The following RALYL variants were observed in gnomAD, a reference collection of about 807,000 sequenced individuals.
RALYL encodes the protein RALY RNA binding protein like.
RALYL carries 29 observed loss-of-function variants against 35.1 expected under a neutral mutation model. The ratio of observed to expected loss-of-function variants is 0.83; its 90% CI spans 0.61 to 1.13. The LOEUF (loss-of-function observed/expected upper bound fraction) is 1.13. RALYL is among the 50% of genes most tolerant of loss of function. The pLI, the probability that RALYL is intolerant of heterozygous loss-of-function variation, is 0.00. For missense variants in RALYL, 359 were observed against 360.4 expected (o/e 1.00, Z 0.03); for synonymous variants, 120 against 127.6 (o/e 0.94, Z 0.40).
At chr8:84,656,819 T>C (rs1462024171) in intron 2 of RALYL, among the ~76,000 whole-genome samples, 1 of 152,096 alleles carries the variant, frequency 6.6e-6, no homozygotes, top group East Asian at 1.9e-4. Flanking sequence ...AGAAGCCATA[T>C]GAGATAAAAC....
chr8:84,189,943 G>A (rs1225110397), intron 1 of RALYL, among the ~76,000 whole-genome samples: 2 of 152,124 alleles, frequency 1.3e-5, no homozygotes, highest in African/African-American at 4.8e-5. Context: ...TCTTCAAGAC[G>A]GGTTTTCTGA....
At chr8:84,364,479 G>T (rs1853779463) in intron 1 of RALYL, among the ~76,000 whole-genome samples, 1 of 152,038 alleles carries the variant, frequency 6.6e-6, no homozygotes. Flanking sequence ...TTGGAAGAAA[G>T]AAAAGAGGTA....
rs1832286756 is a variant in RALYL at position 84,837,632 on chromosome 8, A to T, written c.366-12348A>T. ...GTTTAAATGAAATTTCAGGAAAGTT[A>T]CTTGGTCCTCATTTAATCTTCAGTA... On this transcript the variant is annotated intron_variant, in intron 4 of 8. Coordinates refer to ENST00000521268, the MANE Select transcript of RALYL (RefSeq NM_173848.7). 2.0e-5 allele frequency among the ~76,000 whole-genome samples: 3 copies of T among 152,214 alleles called. No individual in the cohort carries two copies. The South Asian group carries it at 6.2e-4, about 32-fold the overall frequency.
intron 8 of RALYL, among the ~76,000 whole-genome samples, chr8:84,901,416 G>T (rs1036571836): frequency 2.6e-5 from 4 of 152,092 alleles, no homozygotes; most frequent in Admixed American, 6.6e-5. Context: ...GATCTCAGAG[G>T]TAATTCCAGA....
At position 84,531,049 on chromosome 8, in the gene RALYL, C is replaced by A. The variant is rs2059245807; in HGVS notation, c.256+1472C>A. Among the ~76,000 whole-genome samples the A allele has an allele frequency of 2.0e-5, 3 of 151,744 alleles. No homozygotes were observed. In the South Asian group the frequency reaches 6.2e-4, roughly 31 times the overall value. ...TATCTAAAATAGAATAGTCATCTTC[C>A]TCCTTCTTTCACTGTCTATTCTATT... On this transcript the variant is annotated intron_variant, in intron 2 of 8. Transcript: ENST00000521268.
At chr8:84,709,657 C>A (rs1449444926) in intron 2 of RALYL, among the ~76,000 whole-genome samples, 2 of 151,714 alleles carry the variant, frequency 1.3e-5, no homozygotes, top group Admixed American at 1.3e-4. Flanking sequence ...AATCACTGAA[C>A]TAGAAAGTGA....
At chr8:84,258,487 T>TC (rs370998243) in intron 1 of RALYL, among the ~76,000 whole-genome samples, 1 of 152,072 alleles carries the variant, frequency 6.6e-6, no homozygotes, top group Admixed American at 6.6e-5. Flanking sequence ...CTTTTTTTTT[T>TC]CTCACAAGTG....
At chr8:84,367,321 T>TG (rs1563799958) in intron 1 of RALYL, among the ~76,000 whole-genome samples, 121 of 11,292 alleles carry the variant, frequency 0.011, 1 homozygote, top group African/African-American at 0.047. Flanking sequence ...TTTTTGTATT[T>TG]TTTTTTTTTT....
At chr8:84,909,696 T>A (rs555023262) in intron 8 of RALYL, among the ~76,000 whole-genome samples, 12 of 152,218 alleles carry the variant, frequency 7.9e-5, no homozygotes, top group African/African-American at 2.6e-4. Flanking sequence ...CTCAGTTTTT[T>A]AATCTATAAT....
chr8:84,526,773 G>A (rs920418757), intron 1 of RALYL, among the ~76,000 whole-genome samples: 7 of 152,194 alleles, frequency 4.6e-5, no homozygotes, highest in South Asian at 2.1e-4. Flanking sequence ...CCCACTCCAC[G>A]GACACTGCTC....
intron 1 of RALYL, among the ~76,000 whole-genome samples, chr8:84,433,810 TGTGC>T (rs1452584147): frequency 2.7e-3 from 176 of 65,964 alleles, no homozygotes; most frequent in African/African-American, 6.5e-3. Flanking sequence ...TGCATGTATG[TGTGC>T]GTGTGTGTGT....
At chr8:84,522,409 C>A (rs1387077358) in intron 1 of RALYL, among the ~76,000 whole-genome samples, 1 of 151,794 alleles carries the variant, frequency 6.6e-6, no homozygotes, top group Non-Finnish European at 1.5e-5. Context: ...GCCACTACGC[C>A]CGGCTAATTT....
At chr8:84,223,597 A>G (rs2131341098) in intron 1 of RALYL, among the ~76,000 whole-genome samples, 1 of 152,338 alleles carries the variant, frequency 6.6e-6, no homozygotes, top group African/African-American at 2.4e-5. Flanking sequence ...CTTAATCTAC[A>G]CAATGCAGCA....
At chr8:84,803,820 T>C (rs900160583) in intron 3 of RALYL, among the ~76,000 whole-genome samples, 3 of 152,232 alleles carry the variant, frequency 2.0e-5, no homozygotes, top group Non-Finnish European at 2.9e-5. Flanking sequence ...GACTCACATT[T>C]ATAAAAATAA....
chr8:84,813,142 T>G (rs1173112100), intron 4 of RALYL, among the ~76,000 whole-genome samples: 1 of 152,138 alleles, frequency 6.6e-6, no homozygotes, highest in Non-Finnish European at 1.5e-5. Context: ...TTGACTCAGC[T>G]CCAGATAAGG....
intron 1 of RALYL, among the ~76,000 whole-genome samples, chr8:84,370,434 C>CCA (rs34035078): frequency 0.082 from 12,171 of 148,270 alleles, 647 homozygotes; most frequent in African/African-American, 0.16. Context: ...TTACATACAA[C>CCA]CACACACACA....
At chr8:84,418,181 A>T (rs1375477915) in intron 1 of RALYL, among the ~76,000 whole-genome samples, 1 of 152,128 alleles carries the variant, frequency 6.6e-6, no homozygotes, top group Non-Finnish European at 1.5e-5. Context: ...GGTGCCAAAA[A>T]ATATGGGGTC....
chr8:84,706,177 T>C lies in RALYL; in HGVS notation c.257-68402T>C. 4.1e-6 allele frequency: 4 copies of C among 967,464 alleles called. No homozygotes were observed. In the East Asian group the frequency reaches 1.1e-4, roughly 26 times the overall value. The allele number at this position is 967,464 out of a possible 1,614,324, so 59.9% of individuals were successfully genotyped here. Reference sequence around the variant, plus strand: ...CATCCTGGTAGTAGAAAAGATACTGTAGCTTTTCTCACCCTAACCTTTATC... The same window carrying C: ...CATCCTGGTAGTAGAAAAGATACTGCAGCTTTTCTCACCCTAACCTTTATC... On this transcript the variant is annotated intron_variant, in intron 2 of 8. Coordinates refer to ENST00000521268, the MANE Select transcript of RALYL (RefSeq NM_173848.7).
chr8:84,458,396 T>C lies in RALYL; in HGVS notation c.-23-70903T>C, dbSNP rs117011378. On this transcript the variant is annotated intron_variant, in intron 1 of 8. Transcript: ENST00000521268. Reference sequence around the variant, plus strand: ...CTCAAAATTAAATCTTTTCAACACATGTTTTAAAGAACACATAGGGTTCTA... The same window carrying C: ...CTCAAAATTAAATCTTTTCAACACACGTTTTAAAGAACACATAGGGTTCTA... Among the ~76,000 whole-genome samples, 523 of 151,954 alleles carry C rather than the reference T, an allele frequency of 3.4e-3. 3 individuals carry two copies. The highest frequency in any genetic ancestry group is 0.027 in the Middle Eastern group (8 of 294).
Sources: gnomAD v4.1 joint callset for allele counts (sites outside exome capture counted in the v4.1 genomes callset) on GRCh38, gnomAD v4.1.1 for gene constraint, MANE v1.5 for transcripts, NCBI Gene and HGNC (gene_info 2026-07-23, HGNC 2026-07-21) for gene names.